PLEC: variants seen among roughly 807,000 people sequenced by gnomAD.
The protein encoded by PLEC is plectin, also known as hemidesmosomal protein 1.
PLEC carries 216 observed loss-of-function variants against 392.8 expected under a neutral mutation model. That is an observed-to-expected ratio of 0.55 (90% CI 0.49 to 0.62). PLEC has a LOEUF of 0.62. Among genes scored for constraint, PLEC ranks in the 20% least tolerant of loss-of-function variants. The pLI, the probability that PLEC is intolerant of heterozygous loss-of-function variation, is 0.00. For missense variants in PLEC, 6,863 were observed against 6,563.4 expected, an observed-to-expected ratio of 1.05 and a Z score of -1.58; for synonymous variants, 3,621 against 2,980.6, an observed-to-expected ratio of 1.21 and a Z score of -7.00.
rs567457709 is a variant in PLEC at position 143,927,640 on chromosome 8, G to A, written c.3526C>T (p.Arg1176Cys). ...RHGERDVEVE[R>C]WRERVAQLLE... ...AACTGGGCGACCCGCTCCCGCCAGC[G>A]CTCCACCTCCACGTCCCGCTCCCCG... is the stretch of plus-strand genomic sequence containing the variant. The change falls in exon 27 of 32, where the codon CGC (arginine) becomes TGC (cysteine). Residue 1176 changes from arginine (R) to cysteine (C), a missense_variant. Transcript: ENST00000345136. 6.3e-5 allele frequency: 100 copies of A among 1,586,452 alleles called. 2 individuals carry two copies. In the South Asian group the frequency reaches 7.2e-4, roughly 11 times the overall value.
intron 1 of PLEC, among the ~76,000 whole-genome samples, chr8:143,967,534 C>T (rs545816983): frequency 1.3e-5 from 2 of 152,216 alleles, no homozygotes; most frequent in Admixed American, 6.5e-5. Context: ...TCGAAGTTTA[C>T]GCCGAATACA....
Position 143,938,613 on chromosome 8 carries a change from C to A in PLEC, c.174+18G>T, listed in dbSNP as rs1564173093. On this transcript the variant is annotated intron_variant, in intron 2 of 31. Transcript: ENST00000345136. ...ACAGCCTCAGCCCCTGTGACACGCACCAGCATGCGCCACCAACCTTGATGA... is the reference window on the plus strand; with the variant it reads ...ACAGCCTCAGCCCCTGTGACACGCAACAGCATGCGCCACCAACCTTGATGA... The A allele has an allele frequency of 6.2e-7, 1 of 1,613,190 alleles. No individual in the cohort carries two copies. The highest frequency in any genetic ancestry group is 8.5e-7 in the Non-Finnish European group (1 of 1,179,370).
At chr8:143,950,048 G>A (rs1554734706) in intron 1 of PLEC, 21 of 1,166,188 alleles carry the variant, frequency 1.8e-5, no homozygotes, top group Non-Finnish European at 1.9e-5. Flanking sequence ...GCTAGGGGGG[G>A]CCACCTGCTG....
In PLEC at chr8:143,918,912, G is replaced by A; in HGVS notation, c.10909C>T (p.Leu3637=). 2 of 1,611,296 alleles carry A rather than the reference G, an allele frequency of 1.2e-6. No individual in the cohort carries two copies. Among genetic ancestry groups the A allele is most frequent in the Non-Finnish European group, 1.7e-6 (2 of 1,180,016 alleles). Residue 3637 remains leucine (L), a synonymous_variant, in exon 32 of 32, where the codon CTG becomes TTG. Coordinates refer to ENST00000345136, the MANE Select transcript of PLEC (RefSeq NM_201384.3). The part of the protein sequence containing the change: ...EKTEIIRQQG[L]ASYDYVRRRL... ...CGGCGCACGTAGTCGTAGGAGGCCA[G>A]ACCCTGCTGGCGGATGATCTCTGTC...
Position 143,917,914 on chromosome 8 carries a change from C to T in PLEC, c.11907G>A (p.Ala3969=), listed in dbSNP as rs202099348. ...RPGTAFELLE[A]QAATGYVIDP... ...CGATGACGTAACCGGTGGCCGCCTG[C>T]GCCTCCAGGAGCTCAAAGGCTGTGC... The change falls in exon 32 of 32, where the codon GCG becomes GCA. Residue 3969 remains alanine (A), a synonymous_variant. Transcript: ENST00000345136. The T allele has an allele frequency of 2.3e-5, 37 of 1,612,900 alleles. No homozygotes were observed. Among genetic ancestry groups the T allele is most frequent in the East Asian group, 4.5e-5 (2 of 44,882 alleles).
rs189233521 is a variant in PLEC, at chr8:143,930,220, C to T, written c.2536G>A (p.Gly846Ser). 4.5e-4 allele frequency: 713 copies of T among 1,587,700 alleles called. No individual in the cohort carries two copies. Among genetic ancestry groups the T allele is most frequent in the East Asian group, 3.0e-3 (133 of 44,026 alleles). Residue 846 changes from glycine (G) to serine (S), a missense_variant, in exon 21 of 32, where the codon GGC (glycine) becomes AGC (serine). Coordinates refer to ENST00000345136, the MANE Select transcript of PLEC (RefSeq NM_201384.3). ...PSHWKVLSSS[G>S]SEAAVPSVCF... The stretch of plus-strand genomic sequence containing the variant: ...ACGGAGGGCACGGCGGCCTCGCTGC[C>T]GGAGCTGCTGAGCACCTTCCAGTGG...
In PLEC at chr8:143,922,983, T is replaced by A; in HGVS notation, c.6946A>T (p.Met2316Leu). Residue 2316 changes from methionine (M) to leucine (L), a missense_variant, in exon 31 of 32, where the codon ATG becomes TTG. Met to Leu is a conservative substitution (Grantham distance 15, BLOSUM62 2). Transcript: ENST00000345136. ...ALAEKMLKEK[M>L]QAVQEATRLK... is the part of the protein sequence containing the mutation. ...CGCGTGGCCTCCTGCACCGCCTGCA[T>A]CTTCTCCTTGAGCATCTTCTCTGCC... The A allele has an allele frequency of 6.2e-7, 1 of 1,611,766 alleles. No homozygotes were observed. The highest frequency in any genetic ancestry group is 8.5e-7 in the Non-Finnish European group (1 of 1,179,476).
Position 143,921,939 on chromosome 8 carries a change from T to C in PLEC, c.7882A>G (p.Asn2628Asp), listed in dbSNP as rs1554687732. ...SQVAATKTLP[N>D]GRDALDGPAA... The stretch of plus-strand genomic sequence containing the variant: ...GGGCCATCAAGTGCATCCCGGCCAT[T>C]GGGCAGGGTCTTTGTGGCAGCCACC... Residue 2628 changes from asparagine (N) to aspartate (D), a missense_variant, in exon 32 of 32, where the codon AAT (asparagine) becomes GAT (aspartate). Coordinates refer to ENST00000345136, the MANE Select transcript of PLEC (RefSeq NM_201384.3). 2 of 1,599,344 alleles carry C rather than the reference T, an allele frequency of 1.3e-6. No homozygotes were observed. Among genetic ancestry groups the C allele is most frequent in the Non-Finnish European group, 1.7e-6 (2 of 1,179,796 alleles).
At position 143,920,964 on chromosome 8, in the gene PLEC, C is replaced by G. The variant is rs782236409; in HGVS notation, c.8857G>C (p.Glu2953Gln). ...GTGATGATGATCTTGATGATCTTCT[C>G]CACTGTGATCCGGCCCGTGCGGAAC... ...RQFRTGRITV[E>Q]KIIKIIITVV... Residue 2953 changes from glutamate to glutamine, a missense_variant, in exon 32 of 32, where the codon GAG (glutamate) becomes CAG (glutamine). By Grantham distance (29) the Glu-to-Gln change is conservative (BLOSUM62 2). Coordinates refer to ENST00000345136, the MANE Select transcript of PLEC (RefSeq NM_201384.3). 6.2e-7 allele frequency: 1 copy of G among 1,613,138 alleles called. No homozygotes were observed. Among genetic ancestry groups the G allele is most frequent in the South Asian group, 1.1e-5 (1 of 91,080 alleles).
At chr8:143,942,403 AGCT>A, upstream of PLEC, 2 of 1,603,132 alleles carry the variant, frequency 1.2e-6, no homozygotes, top group South Asian at 2.2e-5. Flanking sequence ...TACGCAGCAC[AGCT>A]GCTGGTAGAG....
chr8:143,917,415 C>G lies in PLEC; in HGVS notation c.12406G>C (p.Val4136Leu), dbSNP rs749212061. 27 of 1,612,856 alleles carry G rather than the reference C, an allele frequency of 1.7e-5. 1 individual carries two copies. The highest frequency in any genetic ancestry group is 2.2e-5 in the Non-Finnish European group (26 of 1,180,022). The change falls in exon 32 of 32, where the codon GTG (valine) becomes CTG (leucine). Residue 4136 changes from valine to leucine, a missense_variant. By Grantham distance (32) the Val-to-Leu change is conservative. Coordinates refer to ENST00000345136, the MANE Select transcript of PLEC (RefSeq NM_201384.3). Reference protein sequence around the residue: ...RERKTSSKSSVRKRRVVIVDP... With the variant: ...RERKTSSKSSLRKRRVVIVDP... ...ACGATGACCACTCGGCGCTTGCGCACGGAGGACTTGGAGGACGTCTTCCGC... is the reference window on the plus strand; with the variant it reads ...ACGATGACCACTCGGCGCTTGCGCAGGGAGGACTTGGAGGACGTCTTCCGC...
upstream of PLEC, among the ~76,000 whole-genome samples, chr8:143,956,870 G>A (rs1554739390): frequency 6.6e-6 from 1 of 152,236 alleles, no homozygotes; most frequent in Non-Finnish European, 1.5e-5. Context: ...CGATGACCCT[G>A]GGAAGGGCTC....
intron 28 of PLEC, 85 bp from the exon 29 acceptor site, chr8:143,927,166 T>G: frequency 6.4e-7 from 1 of 1,569,934 alleles, no homozygotes; most frequent in South Asian, 1.1e-5. Flanking sequence ...GGGCTTTCCC[T>G]GGCATGGCCC....
upstream of PLEC, among the ~76,000 whole-genome samples, chr8:143,940,338 G>A (rs964232639): frequency 2.6e-5 from 4 of 152,334 alleles, no homozygotes; most frequent in East Asian, 5.8e-4. Flanking sequence ...ATGGAGCATC[G>A]GGAAGCCCCA....
intron 30 of PLEC, among the ~76,000 whole-genome samples, chr8:143,926,463 G>A (rs1287831126): frequency 1.3e-5 from 2 of 152,360 alleles, no homozygotes; most frequent in African/African-American, 4.8e-5. Context: ...GCAGCAAAGG[G>A]TTGAGCGGAA....
At position 143,924,304 on chromosome 8, in the gene PLEC, G is replaced by T. The variant is rs541366603; in HGVS notation, c.5625C>A (p.Phe1875Leu). The change falls in exon 31 of 32, where the codon TTC (phenylalanine) becomes TTA (leucine). Residue 1875 changes from phenylalanine to leucine, a missense_variant. Phe to Leu is a conservative substitution (Grantham distance 22). Coordinates refer to ENST00000345136, the MANE Select transcript of PLEC (RefSeq NM_201384.3). ...CCTGCTCCTCCAGCCGCCGCCGCTG[G>T]AAGGCCTCGTCCTCCGCCAGCCGCC... ...RLRRLAEDEA[F>L]QRRRLEEQAA... is the part of the protein sequence containing the mutation. The T allele has an allele frequency of 2.0e-5, 32 of 1,595,020 alleles. 1 individual carries two copies. The South Asian group carries it at 3.5e-4, about 18-fold the overall frequency.
In PLEC at chr8:143,920,814, C is replaced by T; in HGVS notation, c.9007G>A (p.Gly3003Ser). Reference sequence around the variant, plus strand: ...GCTACGTCTCGCACAGAGCGCTCACCTCGCTGCAGCTGCTGGTAGAGCTCG... The same window carrying T: ...GCTACGTCTCGCACAGAGCGCTCACTTCGCTGCAGCTGCTGGTAGAGCTCG... ...DRELYQQLQR[G>S]ERSVRDVAEV... Residue 3003 changes from glycine (G) to serine (S), a missense_variant, in exon 32 of 32, where the codon GGT (glycine) becomes AGT (serine). By Grantham distance (56) the Gly-to-Ser change is moderately conservative. Coordinates refer to ENST00000345136, the MANE Select transcript of PLEC (RefSeq NM_201384.3). The T allele has an allele frequency of 6.2e-7, 1 of 1,608,282 alleles. No homozygotes were observed. Among genetic ancestry groups the T allele is most frequent in the Non-Finnish European group, 8.5e-7 (1 of 1,179,932 alleles).
In PLEC at chr8:143,917,796, G is replaced by C; in HGVS notation, c.12025C>G (p.Arg4009Gly). 6.2e-7 allele frequency: 1 copy of C among 1,613,398 alleles called. No homozygotes were observed. The highest frequency in any genetic ancestry group is 8.5e-7 in the Non-Finnish European group (1 of 1,179,986). ...EFKDKLLSAE[R>G]AVTGYKDPYS... ...GGGTCCTTGTACCCAGTGACGGCGC[G>C]CTCGGCCGACAGCAGCTTGTCCTTG... The change falls in exon 32 of 32, where the codon CGC (arginine) becomes GGC (glycine). Residue 4009 changes from arginine (R) to glycine (G), a missense_variant. By Grantham distance (125) the Arg-to-Gly change is moderately radical (BLOSUM62 -2). Transcript: ENST00000345136.
rs781925584 is a variant in PLEC, at chr8:143,925,569, TCTC to T, written c.4357_4359del (p.Glu1453del). ...TCCAACTGCAGGCGCACCACGCGGA[TCTC>T]CTCCTCGATGCGCAGCCGGCTGCGC... On this transcript the variant is annotated inframe_deletion, in exon 31 of 32. Transcript: ENST00000345136. The T allele has an allele frequency of 6.3e-6, 10 of 1,585,742 alleles. No individual in the cohort carries two copies. The highest frequency in any genetic ancestry group is 2.3e-5 in the East Asian group (1 of 44,058).
Sources: gnomAD v4.1 joint callset for allele counts (sites outside exome capture counted in the v4.1 genomes callset) on GRCh38, gnomAD v4.1.1 for gene constraint, MANE v1.5 for transcripts, NCBI Gene and HGNC (gene_info 2026-07-23, HGNC 2026-07-21) for gene names.